GNE: variants seen among roughly 807,000 people sequenced by gnomAD.
GNE encodes bifunctional UDP-N-acetylglucosamine 2-epimerase/N-acetylmannosamine kinase.
In GNE, 41 loss-of-function variants were observed where a neutral mutation model predicts 61.8. The ratio of observed to expected loss-of-function variants is 0.66; its 90% confidence interval spans 0.52 to 0.86. The LOEUF is 0.86. Among genes scored for constraint, GNE ranks in the 40% least tolerant of loss-of-function variants. The pLI, the probability that GNE is intolerant of heterozygous loss-of-function variation, is 0.00. For synonymous variants in GNE, 264 were observed against 326.4 expected (o/e 0.81, Z 2.06); for missense variants, 608 against 909.1 (o/e 0.67, Z 4.26).
rs374513970 is a variant in GNE, at chr9:36,245,213, G to A, written c.616+818C>T. Among the ~76,000 whole-genome samples the A allele has an allele frequency of 1.2e-4, 18 of 151,770 alleles. No individual in the cohort carries two copies. In the South Asian group the frequency reaches 3.5e-3, roughly 30 times the overall value. On this transcript the variant is annotated intron_variant, in intron 3 of 11. Coordinates refer to ENST00000642385, the MANE Select transcript of GNE (RefSeq NM_005476.7). ...TGGGAGGTGGAGGTTGCAGTGAGCC[G>A]AGATTGTGCCACTGCACTCCAACCT...
rs1248561048 is a variant in GNE at position 36,214,555 on chromosome 9, C to T, written c.*2810G>A. The T allele has an allele frequency of 2.6e-5, 4 of 152,156 alleles. No individual in the cohort carries two copies. The highest frequency in any genetic ancestry group is 1.9e-4 in the East Asian group (1 of 5,184). The allele number at this position is 152,156 out of a possible 1,614,324, so 9.4% of individuals were successfully genotyped here. On this transcript the variant is annotated 3_prime_UTR_variant, in exon 12 of 12. Coordinates refer to ENST00000642385, the MANE Select transcript of GNE (RefSeq NM_005476.7). ...TTACTTAACCATATGTAATAATTTA[C>T]GTTGGAATATATTAGCCTTCCCATG...
intron 7 of GNE, among the ~76,000 whole-genome samples, chr9:36,226,937 A>C (rs527823678): frequency 5.3e-4 from 81 of 152,264 alleles, no homozygotes; most frequent in African/African-American, 1.6e-3. Context: ...AGCATACTCC[A>C]CACTCCAAGC....
Position 36,232,328 on chromosome 9 carries a change from G to GC in GNE, c.982+1591dup, listed in dbSNP as rs760845521. 2.0e-4 allele frequency among the ~76,000 whole-genome samples: 24 copies of GC among 118,462 alleles called. 1 individual carries two copies. The highest frequency in any genetic ancestry group is 6.1e-4 in the South Asian group (2 of 3,282). 77.7% of individuals were successfully genotyped at this position (118,462 alleles called of 152,430 possible). The stretch of plus-strand genomic sequence containing the variant: ...TACTGGTCTCCCTGCTTTTATTCTT[G>GC]CCCCCCCGCCCCCCCTCCCGACATT... On this transcript the variant is annotated intron_variant, in intron 5 of 11. Coordinates refer to ENST00000642385, the MANE Select transcript of GNE (RefSeq NM_005476.7).
At chr9:36,267,020 C>T (rs35406010) in intron 1 of GNE, among the ~76,000 whole-genome samples, 16,345 of 152,170 alleles carry the variant, frequency 0.11, 1,230 homozygotes, top group African/African-American at 0.19. Flanking sequence ...GAGCCGAGAT[C>T]GTGCCACTGC....
At chr9:36,236,201 T>C (rs1829382898) in intron 4 of GNE, among the ~76,000 whole-genome samples, 1 of 152,104 alleles carries the variant, frequency 6.6e-6, no homozygotes, top group African/African-American at 2.4e-5. Flanking sequence ...ATTCTTTCAC[T>C]TCAACTTTTT....
At position 36,217,828 on chromosome 9, in the gene GNE, A is replaced by G. The variant is rs924233814; in HGVS notation, c.1934-228T>C. Among the ~76,000 whole-genome samples, 41 of 152,208 alleles carry G rather than the reference A, an allele frequency of 2.7e-4. 1 individual carries two copies. Among genetic ancestry groups the G allele is most frequent in the African/African-American group, 8.7e-4 (36 of 41,448 alleles). ...GTGTACCACATGATCTCCACTAGGC[A>G]AAAAAATGAATAGAAAGACTCGAAG... On this transcript the variant is annotated intron_variant, in intron 11 of 11. Coordinates refer to ENST00000642385, the MANE Select transcript of GNE (RefSeq NM_005476.7).
chr9:36,274,186 CCT>C, intron 1 of GNE, among the ~76,000 whole-genome samples: 1 of 151,730 alleles, frequency 6.6e-6, no homozygotes. Context: ...GCCTCAACTT[CCT>C]AGGTTCAAGC....
chr9:36,253,347 C>T (rs1830192453), intron 1 of GNE, among the ~76,000 whole-genome samples: 1 of 151,138 alleles, frequency 6.6e-6, no homozygotes, highest in African/African-American at 2.4e-5. Context: ...ATGACCTTGG[C>T]TCACTGCAAC....
intron 1 of GNE, among the ~76,000 whole-genome samples, chr9:36,274,778 C>A (rs561628171): frequency 1.5e-4 from 22 of 151,628 alleles, no homozygotes; most frequent in East Asian, 3.9e-4. Flanking sequence ...GCTGGAGTGC[C>A]GTGGCGCGAT....
chr9:36,219,248 G>A (rs1047226681), intron 10 of GNE, among the ~76,000 whole-genome samples: 1 of 151,914 alleles, frequency 6.6e-6, no homozygotes, highest in Non-Finnish European at 1.5e-5. Flanking sequence ...TTTGCTTCCT[G>A]TCCCATACAC....
At chr9:36,249,420 T>C in intron 1 of GNE, 23 bp from the exon 2 acceptor site, 2 of 1,506,950 alleles carry the variant, frequency 1.3e-6, no homozygotes, top group Non-Finnish European at 1.8e-6. Flanking sequence ...AAATAAAAAC[T>C]TTATAATCAG....
At chr9:36,251,986 C>CTTTTTTTTTTTTT (rs34737463) in intron 1 of GNE, among the ~76,000 whole-genome samples, 36 of 134,150 alleles carry the variant, frequency 2.7e-4, no homozygotes, top group African/African-American at 9.3e-4. Context: ...ACTATCTGAT[C>CTTTTTTTTTTTTT]TTTTTTTTTT....
intron 10 of GNE, among the ~76,000 whole-genome samples, chr9:36,219,441 T>C (rs964825756): frequency 6.6e-6 from 1 of 152,192 alleles, no homozygotes; most frequent in Non-Finnish European, 1.5e-5. Context: ...GGGCCAAAAA[T>C]CTACACTGTT....
chr9:36,229,185 A>G (rs1173493661), intron 5 of GNE, 77 bp from the exon 6 acceptor site: 8 of 851,492 alleles, frequency 9.4e-6, no homozygotes, highest in African/African-American at 3.3e-5. Context: ...TCAGTGTACT[A>G]TGCTCATAAT....
chr9:36,246,188 C>T lies in GNE; in HGVS notation c.459G>A (p.Leu153=), dbSNP rs1370428642. ...GGGTGCAGCACACATGATAATGAGC[C>T]AGTTTTGTTATGGCATGTCTGATAG... ...DDSIRHAITK[L]AHYHVCCTRS... is the part of the protein sequence containing the mutation. Residue 153 remains leucine, a synonymous_variant, in exon 3 of 12, where the codon CTG becomes CTA. Transcript: ENST00000642385. The T allele has an allele frequency of 1.2e-6, 2 of 1,614,078 alleles. No individual in the cohort carries two copies. The highest frequency in any genetic ancestry group is 2.7e-5 in the African/African-American group (2 of 74,934).
In GNE at chr9:36,218,188, C is replaced by G; in HGVS notation, c.1928G>C (p.Arg643Thr). 6.2e-7 allele frequency: 1 copy of G among 1,609,736 alleles called. No homozygotes were observed. Among genetic ancestry groups the G allele is most frequent in the Non-Finnish European group, 8.5e-7 (1 of 1,175,990 alleles). ...LGNAKAQSILRTAGTALGLGV... is the reference protein window; with the variant it reads ...LGNAKAQSILTTAGTALGLGV... ...ACCTGCAGCCACATGCTCACCTGTT[C>G]TTAGGATGCTCTGGGCCTTCGCATT... The change falls in exon 11 of 12, where the codon AGA becomes ACA. Residue 643 changes from arginine (R) to threonine (T), a missense_variant. Physicochemically the swap from Arg to Thr is moderately conservative, Grantham distance 71 (BLOSUM62 -1). Transcript: ENST00000642385. The surrounding 1 kb of genome is among the most constrained non-coding windows in gnomAD (Gnocchi z 4.1).
intron 1 of GNE, among the ~76,000 whole-genome samples, chr9:36,268,141 A>AAGTACATATTGT (rs1830878540): frequency 1.3e-5 from 2 of 152,100 alleles, no homozygotes; most frequent in South Asian, 4.2e-4. Flanking sequence ...CCCATCTCAA[A>AAGTACATATTGT]AAAAAAAGTA....
At chr9:36,223,930 T>G (rs1828734328) in intron 7 of GNE, among the ~76,000 whole-genome samples, 1 of 151,880 alleles carries the variant, frequency 6.6e-6, no homozygotes, top group African/African-American at 2.4e-5. Context: ...TTTTGTATTT[T>G]TAGTAGAGAT....
intron 1 of GNE, among the ~76,000 whole-genome samples, chr9:36,274,103 T>A (rs1379260044): frequency 1.4e-5 from 1 of 72,388 alleles, no homozygotes; most frequent in Non-Finnish European, 3.2e-5. Context: ...TGTGTGTGTG[T>A]GTGTGTGTGT....
Sources: gnomAD v4.1 joint callset for allele counts (sites outside exome capture counted in the v4.1 genomes callset) on GRCh38, gnomAD v4.1.1 for gene constraint, Gnocchi (gnomAD v3.1) non-coding constraint, MANE v1.5 for transcripts, NCBI Gene and HGNC (gene_info 2026-07-23, HGNC 2026-07-21) for gene names.